ARHGAP8: variants seen among roughly 807,000 people sequenced by gnomAD.
The protein encoded by ARHGAP8 is Rho GTPase activating protein 8, also known as rho GTPase-activating protein 8.
ARHGAP8 carries 62 observed loss-of-function variants against 46.1 expected under a neutral mutation model. The observed-to-expected ratio is 1.34, with a 90% CI of 1.10 to 1.66. The LOEUF is 1.66. Among genes scored for constraint, ARHGAP8 ranks in the 40% most tolerant of loss-of-function variants. The pLI is 0.00. For missense variants in ARHGAP8, 923 were observed against 568.4 expected (o/e 1.62, Z -6.34); for synonymous variants, 375 against 243.1 (o/e 1.54, Z -5.05).
At chr22:44,861,115 G>A (rs895890196) in intron 11 of ARHGAP8, among the ~76,000 whole-genome samples, 6 of 152,132 alleles carry the variant, frequency 3.9e-5, no homozygotes, top group East Asian at 1.9e-4. Flanking sequence ...GGGATTACAG[G>A]TGAGAACCAC....
chr22:44,825,677 C>T (rs1219760261), intron 7 of ARHGAP8, 84 bp downstream of exon 7: 18 of 1,463,234 alleles, frequency 1.2e-5, no homozygotes, highest in Non-Finnish European at 1.6e-5. Flanking sequence ...AATATTTTCC[C>T]CAGACGTTTG....
intron 7 of ARHGAP8, among the ~76,000 whole-genome samples, chr22:44,839,898 C>A (rs116792296): frequency 7.9e-5 from 12 of 152,330 alleles, no homozygotes; most frequent in Admixed American, 2.6e-4. Flanking sequence ...GCCCATGGGG[C>A]GTTGGCAGAG....
intron 1 of ARHGAP8, among the ~76,000 whole-genome samples, chr22:44,772,809 C>CTTTTTTTTT (rs5845668): frequency 8.8e-6 from 1 of 113,006 alleles, no homozygotes; most frequent in Non-Finnish European, 1.7e-5. Context: ...CTCTCTCCCA[C>CTTTTTTTTT]TTTTTTTTTT....
intron 7 of ARHGAP8, among the ~76,000 whole-genome samples, chr22:44,842,099 C>G (rs1331342983): frequency 6.6e-6 from 1 of 152,198 alleles, no homozygotes; most frequent in African/African-American, 2.4e-5. Context: ...TGGCTCATGC[C>G]TATAATCCCA....
In ARHGAP8 at chr22:44,786,566, G is replaced by A. The variant is rs377596968; in HGVS notation, c.39G>A (p.Pro13=). The change falls in exon 2 of 12, where the codon CCG becomes CCA. Residue 13 remains proline, a synonymous_variant. Coordinates refer to ENST00000356099, the MANE Select transcript of ARHGAP8 (RefSeq NM_181335.3). ...GQDPALSTSH[P]FYDVARHGIL... ...ATCCTGCGCTGAGCACGAGTCACCCGTTCTACGACGTGGCCAGACATGGCA... is the reference window on the plus strand; with the variant it reads ...ATCCTGCGCTGAGCACGAGTCACCCATTCTACGACGTGGCCAGACATGGCA... 1.4e-4 allele frequency: 223 copies of A among 1,613,340 alleles called. No homozygotes were observed. Among genetic ancestry groups the A allele is most frequent in the Non-Finnish European group, 1.7e-4 (203 of 1,179,768 alleles).
At chr22:44,807,524 G>A (rs1269915071) in intron 3 of ARHGAP8, among the ~76,000 whole-genome samples, 2 of 152,192 alleles carry the variant, frequency 1.3e-5, no homozygotes, top group South Asian at 2.1e-4. Context: ...GCAGGCAGCC[G>A]GGTGTCTGAG....
intron 1 of ARHGAP8, among the ~76,000 whole-genome samples, chr22:44,783,838 C>T (rs1305348579): frequency 6.6e-6 from 1 of 152,128 alleles, no homozygotes; most frequent in Admixed American, 6.5e-5. Flanking sequence ...TGGGCTCGGG[C>T]CCATCCTGCC....
intron 5 of ARHGAP8, among the ~76,000 whole-genome samples, chr22:44,821,601 C>T (rs898220231): frequency 1.3e-5 from 2 of 152,164 alleles, no homozygotes; most frequent in Admixed American, 1.3e-4. Flanking sequence ...GTCAATGATC[C>T]CCACTTTGCA....
At chr22:44,858,213 A>C (rs2070292522) in intron 10 of ARHGAP8, among the ~76,000 whole-genome samples, 2 of 152,060 alleles carry the variant, frequency 1.3e-5, no homozygotes. Context: ...GTCACCAGCA[A>C]CTCTGTGCAA....
At chr22:44,755,233 C>A (rs987483598) in intron 1 of ARHGAP8, among the ~76,000 whole-genome samples, 1 of 152,192 alleles carries the variant, frequency 6.6e-6, no homozygotes, top group African/African-American at 2.4e-5. Flanking sequence ...CTACAGTGTT[C>A]CCCGTGTCCC....
intron 1 of ARHGAP8, chr22:44,786,143 G>GTGGGTGCTCGGCTGATGTCGAGTGCATAA (rs1453767587): frequency 1.8e-4 from 84 of 479,348 alleles, no homozygotes; most frequent in African/African-American, 2.7e-4. Context: ...AGGTCGCATA[G>GTGGGTGCTCGGCTGATGTCGAGTGCATAA]TGGGTGCTCG....
chr22:44,814,260 T>A (rs1333902059), intron 4 of ARHGAP8, among the ~76,000 whole-genome samples: 1 of 152,206 alleles, frequency 6.6e-6, no homozygotes, highest in Non-Finnish European at 1.5e-5. Context: ...TTATCTGCCA[T>A]CATAACCAAC....
At chr22:44,848,121 C>T (rs9626251) in intron 9 of ARHGAP8, 71 bp downstream of exon 9, 386,816 of 1,574,164 alleles carry the variant, frequency 0.25, 50,799 homozygotes, top group Admixed American at 0.29. Flanking sequence ...GGCCTCAGAG[C>T]GGAGGCAGGG....
rs2069957532 is a variant in ARHGAP8 at position 44,846,420 on chromosome 22, C to CA, written c.670+1079dup. On this transcript the variant is annotated intron_variant, in intron 8 of 11. Coordinates refer to ENST00000356099, the MANE Select transcript of ARHGAP8 (RefSeq NM_181335.3). ...GGAAATGTGCTTTGGCACGAGAGTC[C>CA]ATGCACATGGGGGTGGCATCAGTGA... Among the ~76,000 whole-genome samples, 4 of 152,278 alleles carry CA rather than the reference C, an allele frequency of 2.6e-5. No homozygotes were observed. In the South Asian group the frequency reaches 8.3e-4, roughly 32 times the overall value.
At chr22:44,789,621 C>T (rs992170233) in intron 2 of ARHGAP8, among the ~76,000 whole-genome samples, 7 of 152,088 alleles carry the variant, frequency 4.6e-5, no homozygotes, top group African/African-American at 1.7e-4. Context: ...ACCTCAGCTT[C>T]TTATGTAGCT....
At chr22:44,819,892 T>A (rs887539768) in intron 5 of ARHGAP8, among the ~76,000 whole-genome samples, 59 of 152,304 alleles carry the variant, frequency 3.9e-4, no homozygotes, top group African/African-American at 1.4e-3. Context: ...TGTGTGGTTC[T>A]ACCCCTCATT....
chr22:44,796,360 GGGTGGGCCGATGCTGTATCATTC>G (rs1461508702), intron 2 of ARHGAP8, among the ~76,000 whole-genome samples: 2 of 152,192 alleles, frequency 1.3e-5, no homozygotes, highest in Non-Finnish European at 2.9e-5. Context: ...CTGGGGTGCA[GGGTGGGCCGATGCTGTATCATTC>G]GGAATGCGGC....
intron 7 of ARHGAP8, among the ~76,000 whole-genome samples, chr22:44,842,833 G>A (rs574431958): frequency 6.6e-6 from 1 of 152,290 alleles, no homozygotes; most frequent in South Asian, 2.1e-4. Flanking sequence ...TTGTCTCAGT[G>A]CAAAGGCTCA....
At chr22:44,841,705 G>A (rs937553899) in intron 7 of ARHGAP8, among the ~76,000 whole-genome samples, 9 of 152,206 alleles carry the variant, frequency 5.9e-5, no homozygotes, top group East Asian at 1.9e-4. Context: ...TTTTGGTACC[G>A]GGCTGAAGAA....
Sources: gnomAD v4.1 joint callset for allele counts (sites outside exome capture counted in the v4.1 genomes callset) on GRCh38, gnomAD v4.1.1 for gene constraint, MANE v1.5 for transcripts, NCBI Gene and HGNC (gene_info 2026-07-23, HGNC 2026-07-21) for gene names.